Variants in MPZL1 observed in about 807,000 individuals in gnomAD.
MPZL1 encodes the protein myelin protein zero-like protein 1.
In MPZL1, 16 loss-of-function variants were observed where a neutral mutation model predicts 29.3. The observed-to-expected ratio is 0.55, with a 90% CI of 0.37 to 0.83. The LOEUF is 0.83. MPZL1 is among the 40% of genes least tolerant of loss of function. The pLI, the probability that MPZL1 is intolerant of heterozygous loss-of-function variation, is 0.00. For synonymous variants in MPZL1, 143 were observed against 132.0 expected, an observed-to-expected ratio of 1.08 and a Z score of -0.57; for missense variants, 279 against 332.9, an observed-to-expected ratio of 0.84 and a Z score of 1.26.
intron 1 of MPZL1, among the ~76,000 whole-genome samples, chr1:167,731,975 G>A (rs1660282333): frequency 6.6e-6 from 1 of 152,172 alleles, no homozygotes; most frequent in Non-Finnish European, 1.5e-5. Flanking sequence ...TTCTTTGGCT[G>A]CAAAATTCAA....
chr1:167,731,385 C>CGAGATT (rs1660264857), intron 1 of MPZL1, among the ~76,000 whole-genome samples: 1 of 150,906 alleles, frequency 6.6e-6, no homozygotes, highest in Non-Finnish European at 1.5e-5. Flanking sequence ...TGCAGTAAGC[C>CGAGATT]GAGATTGTGC....
chr1:167,737,208 A>G (rs1660395361), intron 1 of MPZL1, among the ~76,000 whole-genome samples: 1 of 152,220 alleles, frequency 6.6e-6, no homozygotes, highest in South Asian at 2.1e-4. Flanking sequence ...AATGCCTGGA[A>G]CATAGTAAAT....
At chr1:167,756,681 A>G (rs545359965) in intron 1 of MPZL1, among the ~76,000 whole-genome samples, 1 of 152,270 alleles carries the variant, frequency 6.6e-6, no homozygotes, top group South Asian at 2.1e-4. Flanking sequence ...TTAGTTTGAT[A>G]TATTGTATTC....
intron 1 of MPZL1, among the ~76,000 whole-genome samples, chr1:167,746,545 C>T (rs939386148): frequency 1.3e-5 from 2 of 152,146 alleles, no homozygotes; most frequent in African/African-American, 4.8e-5. Context: ...ATGGAAAGGG[C>T]TGCACCCTGG....
chr1:167,740,952 T>C (rs1660506535), intron 1 of MPZL1, among the ~76,000 whole-genome samples: 1 of 152,208 alleles, frequency 6.6e-6, no homozygotes, highest in African/African-American at 2.4e-5. Flanking sequence ...TCCCTTTCTC[T>C]CACCATCTCC....
chr1:167,722,289 G>A (rs1436591999), intron 1 of MPZL1, 47 bp downstream of exon 1: 2 of 1,233,308 alleles, frequency 1.6e-6, no homozygotes, highest in Non-Finnish European at 1.0e-6. Flanking sequence ...TGGGGCCCCC[G>A]GGCCCGACAC....
chr1:167,769,190 A>T (rs1405762955), intron 2 of MPZL1, among the ~76,000 whole-genome samples: 2 of 151,994 alleles, frequency 1.3e-5, no homozygotes, highest in African/African-American at 4.8e-5. Flanking sequence ...TTGTTGGGAG[A>T]CAGTTTTCTA....
At chr1:167,782,321 A>G (rs945859216) in intron 5 of MPZL1, among the ~76,000 whole-genome samples, 4 of 152,152 alleles carry the variant, frequency 2.6e-5, no homozygotes, top group Admixed American at 6.5e-5. Flanking sequence ...CTCAAAACTG[A>G]TAATTCCAGT....
intron 1 of MPZL1, among the ~76,000 whole-genome samples, chr1:167,733,018 C>T (rs10918751): frequency 4.6e-5 from 7 of 152,006 alleles, no homozygotes; most frequent in Admixed American, 2.0e-4. Flanking sequence ...AACTGGCACA[C>T]GTTTGGGAAT....
intron 1 of MPZL1, among the ~76,000 whole-genome samples, chr1:167,731,434 C>CTG (rs1660267627): frequency 8.2e-6 from 1 of 121,588 alleles, no homozygotes. Context: ...AAAACTGTGT[C>CTG]TTTTTTTTTT....
rs1661637827 is a variant in MPZL1, at chr1:167,788,544, T to G, written c.*623T>G. 2 of 152,450 alleles carry G rather than the reference T, an allele frequency of 1.3e-5. No homozygotes were observed. Among genetic ancestry groups the G allele is most frequent in the Non-Finnish European group, 1.5e-5 (1 of 68,118 alleles). The allele number at this position is 152,450 out of a possible 1,614,324, so 9.4% of individuals were successfully genotyped here. A position where few individuals can be genotyped will look rare whatever the true frequency, so the allele number is the denominator to read the frequency against. On this transcript the variant is annotated 3_prime_UTR_variant, in exon 6 of 6. Coordinates refer to ENST00000359523, the MANE Select transcript of MPZL1 (RefSeq NM_003953.6). ...AGCCTTACATGTTGTGTAGACTTAC[T>G]TTAAGTTTGCACCCTTGAAATGTGT...
At chr1:167,723,323 A>G (rs1169324808) in intron 1 of MPZL1, among the ~76,000 whole-genome samples, 1 of 152,244 alleles carries the variant, frequency 6.6e-6, no homozygotes, top group Non-Finnish European at 1.5e-5. Flanking sequence ...TCCTTGGATC[A>G]GGGAAACTAG....
chr1:167,783,445 T>A (rs982200107), intron 5 of MPZL1, among the ~76,000 whole-genome samples: 9 of 152,260 alleles, frequency 5.9e-5, no homozygotes, highest in Non-Finnish European at 1.3e-4. Context: ...TGGATATCGT[T>A]GATGCTCTGT....
At chr1:167,780,281 G>C (rs1312756051) in intron 5 of MPZL1, among the ~76,000 whole-genome samples, 1 of 152,186 alleles carries the variant, frequency 6.6e-6, no homozygotes, top group Non-Finnish European at 1.5e-5. Flanking sequence ...AATGGGCTGA[G>C]TGTGCCAATA....
chr1:167,769,365 T>G (rs888257578), intron 2 of MPZL1, among the ~76,000 whole-genome samples: 1 of 152,174 alleles, frequency 6.6e-6, no homozygotes, highest in African/African-American at 2.4e-5. Flanking sequence ...AGTGTCTCCT[T>G]TCAGGGCTGA....
rs191101808 is a variant in MPZL1, at chr1:167,779,382, C to T, written c.708+3216C>T. On this transcript the variant is annotated intron_variant, in intron 5 of 5. Coordinates refer to ENST00000359523, the MANE Select transcript of MPZL1 (RefSeq NM_003953.6). ...GGTGGATCACCTGAGGTCAGGAGTT[C>T]GAAACCAGCCTGGCCAACGTGGCAA... 1.4e-4 allele frequency among the ~76,000 whole-genome samples: 21 copies of T among 151,764 alleles called. 1 individual carries two copies. In the East Asian group the frequency reaches 2.0e-3, roughly 14 times the overall value.
intron 1 of MPZL1, among the ~76,000 whole-genome samples, chr1:167,724,228 A>G (rs1660097141): frequency 6.6e-6 from 1 of 152,222 alleles, no homozygotes. Context: ...ATACAGAGTT[A>G]TGAATGAACC....
chr1:167,789,335 T>G lies in MPZL1; in HGVS notation c.*1414T>G, dbSNP rs1661659036. 6.6e-6 allele frequency: 1 copy of G among 152,200 alleles called. No individual in the cohort carries two copies. The highest frequency in any genetic ancestry group is 1.5e-5 in the Non-Finnish European group (1 of 68,044). The allele number at this position is 152,200 out of a possible 1,614,324, so 9.4% of individuals were successfully genotyped here. A position where few individuals can be genotyped will look rare whatever the true frequency, so the allele number is the denominator to read the frequency against. ...AAAATTGTTCGAAAGCCCACAGTTA[T>G]GGAAAGAATTACTGTCTAGATGGTC... On this transcript the variant is annotated 3_prime_UTR_variant, in exon 6 of 6. Coordinates refer to ENST00000359523, the MANE Select transcript of MPZL1 (RefSeq NM_003953.6).
In MPZL1 at chr1:167,739,952, G is replaced by T. The variant is rs146819583; in HGVS notation, c.91+17710G>T. 1.8e-4 allele frequency among the ~76,000 whole-genome samples: 28 copies of T among 151,998 alleles called. No homozygotes were observed. In the Middle Eastern group the frequency reaches 0.01, roughly 55 times the overall value. The stretch of plus-strand genomic sequence containing the variant: ...TCCCATCCCTCCCTGCTTTTGTTTT[G>T]TATTCGTTACTTCCTGGCTGCTTCC... On this transcript the variant is annotated intron_variant, in intron 1 of 5. Coordinates refer to ENST00000359523, the MANE Select transcript of MPZL1 (RefSeq NM_003953.6).
Sources: allele counts gnomAD v4.1 joint callset (sites outside exome capture counted in the v4.1 genomes callset), GRCh38; gene constraint gnomAD v4.1.1; transcripts MANE v1.5; gene names NCBI Gene and HGNC (gene_info 2026-07-23, HGNC 2026-07-21).